The following PDE10A variants were observed in gnomAD, a reference collection of about 807,000 sequenced individuals.
The protein encoded by PDE10A is cAMP and cAMP-inhibited cGMP 3',5'-cyclic phosphodiesterase 10A.
PDE10A carries 39 observed loss-of-function variants against 97.7 expected under a neutral mutation model. The observed-to-expected ratio is 0.40, with a 90% confidence interval of 0.31 to 0.52. The LOEUF (loss-of-function observed/expected upper bound fraction) is 0.52. PDE10A is among the 20% of genes least tolerant of loss of function. PDE10A has a pLI of 0.56. For missense variants in PDE10A, 731 were observed against 1,047.8 expected, an observed-to-expected ratio of 0.70 and a Z score of 4.17; for synonymous variants, 371 against 376.8, an observed-to-expected ratio of 0.98 and a Z score of 0.18.
At chr6:165,677,862 G>A (rs1224425890) in intron 1 of PDE10A, among the ~76,000 whole-genome samples, 2 of 151,980 alleles carry the variant, frequency 1.3e-5, no homozygotes, top group Non-Finnish European at 2.9e-5. Flanking sequence ...GTGTTTGTAT[G>A]TGTATGTTTG....
chr6:165,636,300 T>TAC lies in PDE10A; in HGVS notation c.865+25645_865+25646dup, dbSNP rs112690089. ...CTATGTGAAAAGGAAATCCCTCCCATACACACACACACACACAAACACTCT... is the reference window on the plus strand; with the variant it reads ...CTATGTGAAAAGGAAATCCCTCCCATACACACACACACACACACAAACACTCT... On this transcript the variant is annotated intron_variant, in intron 1 of 21. Transcript: ENST00000539869. 9.8e-3 allele frequency among the ~76,000 whole-genome samples: 1,472 copies of TAC among 149,918 alleles called. 15 individuals are homozygous for TAC. The highest frequency in any genetic ancestry group is 0.031 in the African/African-American group (1,273 of 41,098).
intron 1 of PDE10A, among the ~76,000 whole-genome samples, chr6:165,749,722 A>G (rs934806319): frequency 6.6e-6 from 1 of 152,362 alleles, no homozygotes; most frequent in South Asian, 2.1e-4. Context: ...TGGTATATGA[A>G]AAACTATTTC....
intron 1 of PDE10A, among the ~76,000 whole-genome samples, chr6:165,771,001 C>G (rs1242412703): frequency 6.6e-6 from 1 of 152,198 alleles, no homozygotes; most frequent in Non-Finnish European, 1.5e-5. Context: ...GGACGGAGCT[C>G]CATCCCTCTT....
At chr6:165,621,631 C>A (rs1355463715) in intron 1 of PDE10A, among the ~76,000 whole-genome samples, 1 of 152,114 alleles carries the variant, frequency 6.6e-6, no homozygotes, top group African/African-American at 2.4e-5. Flanking sequence ...TGGCGGGCGC[C>A]TGCAGTCCCA....
intron 20 of PDE10A, among the ~76,000 whole-genome samples, chr6:165,338,250 A>C: frequency 6.6e-6 from 1 of 152,228 alleles, no homozygotes; most frequent in East Asian, 1.9e-4. Flanking sequence ...GACTTGTCTA[A>C]ATTTTGTATA....
At position 165,418,282 on chromosome 6, in the gene PDE10A, T is replaced by C. The variant is rs544170087; in HGVS notation, c.1796+353A>G. Among the ~76,000 whole-genome samples the C allele has an allele frequency of 7.0e-4, 107 of 152,324 alleles. No individual in the cohort carries two copies. The highest frequency in any genetic ancestry group is 2.5e-3 in the African/African-American group (102 of 41,580). On this transcript the variant is annotated intron_variant, in intron 11 of 21. Coordinates refer to ENST00000539869, the MANE Select transcript of PDE10A (RefSeq NM_001385079.1). This position sits in a 1 kb window ranked among gnomAD's most constrained non-coding sequence, Gnocchi z 4.8. ...GGTTGGGAAGAAGTAGGGGCCGAAT[T>C]GCATAAGCACACCTTTTCTCTTGGA...
At chr6:165,416,487 C>A (rs1042789671) in intron 11 of PDE10A, among the ~76,000 whole-genome samples, 7 of 152,142 alleles carry the variant, frequency 4.6e-5, no homozygotes, top group African/African-American at 1.7e-4. Context: ...ACCTGAGAAC[C>A]TTAAAATATT....
chr6:165,430,925 G>A (rs1354079958), intron 8 of PDE10A, among the ~76,000 whole-genome samples: 1 of 152,114 alleles, frequency 6.6e-6, no homozygotes, highest in African/African-American at 2.4e-5. Flanking sequence ...ACGCTATATT[G>A]CTACCATGTT....
chr6:165,503,869 C>G (rs1198490627), intron 2 of PDE10A, among the ~76,000 whole-genome samples: 2 of 152,064 alleles, frequency 1.3e-5, no homozygotes, highest in Admixed American at 1.3e-4. Flanking sequence ...TTTCCACTAA[C>G]AGTGGGAAAT....
intron 1 of PDE10A, among the ~76,000 whole-genome samples, chr6:165,710,558 G>A (rs1791869396): frequency 3.3e-5 from 5 of 152,138 alleles, no homozygotes; most frequent in Admixed American, 1.3e-4. Flanking sequence ...TTTTCGTTTT[G>A]TATTTTAGAA....
At chr6:165,894,342 T>G (rs1781883426) in intron 1 of PDE10A, 2 of 455,904 alleles carry the variant, frequency 4.4e-6, no homozygotes, top group South Asian at 1.5e-5. Flanking sequence ...ACGCAAAAAA[T>G]GACAGACTGA....
intron 2 of PDE10A, among the ~76,000 whole-genome samples, chr6:165,535,765 A>G (rs1448714944): frequency 6.6e-6 from 1 of 151,864 alleles, no homozygotes. Context: ...GAATAAACTT[A>G]AGCAAAGAAG....
chr6:165,458,901 T>C (rs1340640153), intron 3 of PDE10A, among the ~76,000 whole-genome samples: 1 of 152,128 alleles, frequency 6.6e-6, no homozygotes, highest in Non-Finnish European at 1.5e-5. Context: ...GTCCCAAAAA[T>C]GTCCTATAAA....
At chr6:165,839,637 G>A (rs1161281463) in intron 1 of PDE10A, among the ~76,000 whole-genome samples, 1 of 151,814 alleles carries the variant, frequency 6.6e-6, no homozygotes, top group African/African-American at 2.4e-5. Flanking sequence ...TCTCTAAATT[G>A]CTCCATCCTC....
At chr6:165,591,245 G>T (rs777265567) in intron 1 of PDE10A, among the ~76,000 whole-genome samples, 40 of 152,048 alleles carry the variant, frequency 2.6e-4, no homozygotes, top group Non-Finnish European at 5.6e-4. Context: ...GCACAAAGGG[G>T]GCTTTTTCTT....
chr6:165,668,289 T>A (rs1301947848), intron 1 of PDE10A, among the ~76,000 whole-genome samples: 1 of 152,222 alleles, frequency 6.6e-6, no homozygotes, highest in Non-Finnish European at 1.5e-5. Flanking sequence ...TGGTATACCC[T>A]GATTTCTATG....
chr6:165,618,350 A>C (rs576454614), intron 1 of PDE10A, among the ~76,000 whole-genome samples: 2 of 152,284 alleles, frequency 1.3e-5, no homozygotes, highest in Admixed American at 1.3e-4. Context: ...CCTAGGTCTA[A>C]AGACTAACAG....
intron 3 of PDE10A, among the ~76,000 whole-genome samples, chr6:165,474,578 T>C (rs868425357): frequency 6.6e-6 from 1 of 152,164 alleles, no homozygotes; most frequent in Non-Finnish European, 1.5e-5. Flanking sequence ...ATCTTTACAA[T>C]GACCCCCACC....
At chr6:165,668,743 CAGAA>C (rs1393661943) in intron 1 of PDE10A, among the ~76,000 whole-genome samples, 12 of 121,334 alleles carry the variant, frequency 9.9e-5, no homozygotes, top group Admixed American at 4.3e-4. Context: ...AAAGAAAAGA[CAGAA>C]AGAGAAAGGA....
Sources: allele counts gnomAD v4.1 joint callset (sites outside exome capture counted in the v4.1 genomes callset), GRCh38; gene constraint gnomAD v4.1.1; non-coding constraint Gnocchi (gnomAD v3.1); transcripts MANE v1.5; gene names NCBI Gene and HGNC (gene_info 2026-07-23, HGNC 2026-07-21).